NDST3: variants seen among roughly 807,000 people sequenced by gnomAD.
NDST3 encodes the protein bifunctional heparan sulfate N-deacetylase/N-sulfotransferase 3.
A neutral mutation model predicts 96.1 loss-of-function variants in NDST3; 58 were observed. The ratio of observed to expected loss-of-function variants is 0.60; its 90% CI spans 0.49 to 0.75. The LOEUF (loss-of-function observed/expected upper bound fraction) is 0.75, where lower values mean the gene tolerates loss of function less well. Among genes scored for constraint, NDST3 ranks in the 30% least tolerant of loss-of-function variants. The pLI is 0.00. For synonymous variants in NDST3, 333 were observed against 359.7 expected (o/e 0.93, Z 0.84); for missense variants, 788 against 1,034.2 (o/e 0.76, Z 3.27).
chr4:118,210,542 C>T (rs1738719001), intron 6 of NDST3, among the ~76,000 whole-genome samples: 1 of 151,976 alleles, frequency 6.6e-6, no homozygotes, highest in South Asian at 2.1e-4. Context: ...CTTTGGGAGG[C>T]CAAGGCAGGT....
chr4:118,229,266 A>T (rs781652765), intron 8 of NDST3, among the ~76,000 whole-genome samples: 1 of 152,174 alleles, frequency 6.6e-6, no homozygotes, highest in Non-Finnish European at 1.5e-5. Context: ...GCATCACTGC[A>T]CTCCAGCCTG....
chr4:118,198,879 C>T (rs1273848679), intron 6 of NDST3, among the ~76,000 whole-genome samples: 1 of 151,816 alleles, frequency 6.6e-6, no homozygotes, highest in East Asian at 1.9e-4. Context: ...ATATTTCATT[C>T]CACTCTCTCT....
chr4:118,070,272 G>A (rs1726942174), intron 2 of NDST3, among the ~76,000 whole-genome samples: 1 of 152,090 alleles, frequency 6.6e-6, no homozygotes, highest in Non-Finnish European at 1.5e-5. Flanking sequence ...ATTGACTTGA[G>A]CAGAGTAATT....
chr4:118,143,755 C>A, intron 6 of NDST3, 71 bp downstream of exon 6: 3 of 1,497,402 alleles, frequency 2.0e-6, no homozygotes, highest in Non-Finnish European at 2.7e-6. Context: ...GGCAAAGAGG[C>A]TAGGGATTGG....
In NDST3 at chr4:118,200,129, G is replaced by T. The variant is rs181756703; in HGVS notation, c.1540-24362G>T. On this transcript the variant is annotated intron_variant, in intron 6 of 13. Coordinates refer to ENST00000296499, the MANE Select transcript of NDST3 (RefSeq NM_004784.3). ...GCCAGGCCTATGTTCTTCCCTTGAG[G>T]GTGATGAGTTTCTCCAAGCCCAAGC... 4.7e-4 allele frequency among the ~76,000 whole-genome samples: 72 copies of T among 152,298 alleles called. No individual in the cohort carries two copies. In the East Asian group the frequency reaches 0.013, roughly 27 times the overall value.
intron 4 of NDST3, among the ~76,000 whole-genome samples, chr4:118,137,254 G>A (rs141137227): frequency 2.0e-5 from 3 of 151,650 alleles, no homozygotes; most frequent in African/African-American, 7.2e-5. Flanking sequence ...AAATAACTTT[G>A]GAGAAAAAAA....
chr4:118,250,269 A>T lies in NDST3; in HGVS notation c.2400-3230A>T, dbSNP rs113449413. On this transcript the variant is annotated intron_variant, in intron 12 of 13. Coordinates refer to ENST00000296499, the MANE Select transcript of NDST3 (RefSeq NM_004784.3). Reference sequence around the variant, plus strand: ...ATTTTAATTTCTAAGAAACTTTACAAAGAGGCTGTAATATTTTTAATTTCT... The same window carrying T: ...ATTTTAATTTCTAAGAAACTTTACATAGAGGCTGTAATATTTTTAATTTCT... Among the ~76,000 whole-genome samples the T allele has an allele frequency of 5.9e-5, 9 of 152,340 alleles. 1 individual carries two copies. The highest frequency in any genetic ancestry group is 1.9e-4 in the African/African-American group (8 of 41,576).
intron 12 of NDST3, among the ~76,000 whole-genome samples, chr4:118,246,798 T>C (rs545153394): frequency 6.6e-6 from 1 of 151,926 alleles, no homozygotes; most frequent in Non-Finnish European, 1.5e-5. Flanking sequence ...GAACTTACTA[T>C]CACAAGAGAA....
At chr4:118,185,312 G>A (rs891182230) in intron 6 of NDST3, among the ~76,000 whole-genome samples, 2 of 151,742 alleles carry the variant, frequency 1.3e-5, no homozygotes, top group African/African-American at 2.4e-5. Flanking sequence ...AATTATTTAT[G>A]AACATAAGGG....
At chr4:118,065,414 G>A (rs1417521952) in intron 2 of NDST3, among the ~76,000 whole-genome samples, 1 of 152,040 alleles carries the variant, frequency 6.6e-6, no homozygotes, top group Non-Finnish European at 1.5e-5. Context: ...AAACATGGGG[G>A]AGCAAGTAAC....
intron 6 of NDST3, among the ~76,000 whole-genome samples, chr4:118,210,987 G>A (rs777006012): frequency 6.6e-6 from 1 of 152,216 alleles, no homozygotes; most frequent in Non-Finnish European, 1.5e-5. Flanking sequence ...CCATGTCCCA[G>A]ATACTAAGGG....
At chr4:118,215,020 T>C (rs187084179) in intron 6 of NDST3, among the ~76,000 whole-genome samples, 7 of 152,262 alleles carry the variant, frequency 4.6e-5, no homozygotes, top group Non-Finnish European at 4.4e-5. Context: ...GGAGCTTACT[T>C]ACACTCTATT....
chr4:118,178,117 C>A (rs542537831), intron 6 of NDST3, among the ~76,000 whole-genome samples: 1 of 151,520 alleles, frequency 6.6e-6, no homozygotes, highest in Non-Finnish European at 1.5e-5. Flanking sequence ...ATTATATCTA[C>A]GACATCCATA....
intron 2 of NDST3, among the ~76,000 whole-genome samples, chr4:118,059,037 T>G (rs1446337068): frequency 6.6e-6 from 1 of 152,106 alleles, no homozygotes; most frequent in African/African-American, 2.4e-5. Flanking sequence ...ATACTCTCAA[T>G]GCATAAAAGA....
chr4:118,085,154 AC>A, intron 2 of NDST3, among the ~76,000 whole-genome samples: 1 of 152,178 alleles, frequency 6.6e-6, no homozygotes, highest in African/African-American at 2.4e-5. Flanking sequence ...TGGAATGAAA[AC>A]CAATATAGGG....
At chr4:118,111,603 C>G (rs1578658749) in intron 3 of NDST3, among the ~76,000 whole-genome samples, 1 of 149,538 alleles carries the variant, frequency 6.7e-6, no homozygotes, top group Admixed American at 6.7e-5. Context: ...GCGACGCCAT[C>G]TTAGCTCACT....
At chr4:118,033,766 G>C (rs1454391731), upstream of NDST3, 1 of 152,370 alleles carries the variant, frequency 6.6e-6, no homozygotes, top group Non-Finnish European at 1.5e-5. Flanking sequence ...TCCCGGGCGC[G>C]GAGGGGAGAG....
intron 3 of NDST3, among the ~76,000 whole-genome samples, chr4:118,107,095 A>ATCATCATC (rs1330121197): frequency 2.9e-4 from 44 of 151,308 alleles, no homozygotes; most frequent in African/African-American, 9.0e-4. Flanking sequence ...ATCTCAAAAT[A>ATCATCATC]ATAATAATAA....
chr4:118,059,974 T>C lies in NDST3; in HGVS notation c.981+5083T>C, dbSNP rs1288502347. ...GCTATAGAAGCATGTATCTGCTTGA[T>C]CCCATTACTTCAAATTTGCTAGATT... is the stretch of plus-strand genomic sequence containing the variant. On this transcript the variant is annotated intron_variant, in intron 2 of 13. Coordinates refer to ENST00000296499, the MANE Select transcript of NDST3 (RefSeq NM_004784.3). Among the ~76,000 whole-genome samples the C allele has an allele frequency of 4.6e-5, 7 of 152,286 alleles. No individual in the cohort carries two copies. The East Asian group carries it at 1.3e-3, about 29-fold the overall frequency.
Sources: gnomAD v4.1 joint callset for allele counts (sites outside exome capture counted in the v4.1 genomes callset) on GRCh38, gnomAD v4.1.1 for gene constraint, MANE v1.5 for transcripts, NCBI Gene and HGNC (gene_info 2026-07-23, HGNC 2026-07-21) for gene names.